Variants in CNOT2 observed in about 807,000 individuals in gnomAD.
The protein encoded by CNOT2 is CCR4-NOT transcription complex subunit 2.
A neutral mutation model predicts 72.1 loss-of-function variants in CNOT2; 7 were observed. The ratio of observed to expected loss-of-function variants is 0.10; its 90% CI spans 0.06 to 0.18. The LOEUF is 0.18. Ranked by LOEUF, CNOT2 falls within the 10% of genes least tolerant of loss-of-function variation. The pLI, the probability that CNOT2 is intolerant of heterozygous loss-of-function variation, is 1.00. For synonymous variants in CNOT2, 196 were observed against 225.6 expected, an observed-to-expected ratio of 0.87 and a Z score of 1.17; for missense variants, 345 against 660.3, an observed-to-expected ratio of 0.52 and a Z score of 5.23.
chr12:70,343,053 A>G lies in CNOT2; in HGVS notation c.1290+746A>G, dbSNP rs185268726. On this transcript the variant is annotated intron_variant, in intron 13 of 15. Coordinates refer to ENST00000229195, the MANE Select transcript of CNOT2 (RefSeq NM_014515.7). The stretch of plus-strand genomic sequence containing the variant: ...GATACCTTTCTCAATGTCTTCTAAT[A>G]CTTGAGTAGATAAAAGGCAAGAAAT... 2.0e-5 allele frequency among the ~76,000 whole-genome samples: 3 copies of G among 152,268 alleles called. No individual in the cohort carries two copies. In the East Asian group the frequency reaches 5.8e-4, roughly 29 times the overall value.
intron 2 of CNOT2, chr12:70,307,682 C>G (rs1044523516): frequency 1.3e-5 from 2 of 152,096 alleles, no homozygotes; most frequent in African/African-American, 4.8e-5. Context: ...TTTATGTACC[C>G]TAATTTCTCT....
At chr12:70,313,420 C>T (rs1876798844) in intron 3 of CNOT2, among the ~76,000 whole-genome samples, 1 of 151,874 alleles carries the variant, frequency 6.6e-6, no homozygotes, top group Admixed American at 6.6e-5. Context: ...CTTCTGTTTT[C>T]GAGATCATAC....
chr12:70,258,909 A>G lies in CNOT2; in HGVS notation c.-96+15429A>G, dbSNP rs572131385. 7.9e-5 allele frequency among the ~76,000 whole-genome samples: 12 copies of G among 152,324 alleles called. 1 individual carries two copies. The South Asian group carries it at 2.3e-3, about 29-fold the overall frequency. ...TATGATTAAAAAATTGCAAAGCAGT[A>G]TGTGTGGCTAGAGTGTAGTGGGAAA... On this transcript the variant is annotated intron_variant, in intron 1 of 15. Transcript: ENST00000229195.
chr12:70,338,000 G>C (rs1880930422), intron 9 of CNOT2: 1 of 239,940 alleles, frequency 4.2e-6, no homozygotes, highest in Non-Finnish European at 8.2e-6. Context: ...AAGAAGATCG[G>C]TAAGAATTAA....
chr12:70,344,074 T>TA (rs776234711), intron 13 of CNOT2, 54 bp from the exon 14 acceptor site: 3 of 855,318 alleles, frequency 3.5e-6, no homozygotes, highest in Non-Finnish European at 4.8e-6. Flanking sequence ...CAACTATATA[T>TA]TAGGATTTGC....
chr12:70,334,632 T>TA (rs1202498206), intron 7 of CNOT2: 2 of 152,066 alleles, frequency 1.3e-5, no homozygotes, highest in African/African-American at 4.8e-5. Context: ...ATAAGAATAC[T>TA]AAAAAGTTAA....
intron 1 of CNOT2, among the ~76,000 whole-genome samples, chr12:70,269,448 T>C (rs1380236271): frequency 1.3e-5 from 2 of 152,156 alleles, no homozygotes; most frequent in Admixed American, 1.3e-4. Context: ...AATAATAGTT[T>C]ACATGTGCAA....
intron 4 of CNOT2, chr12:70,327,723 C>T (rs1879308486): frequency 6.6e-6 from 1 of 151,576 alleles, no homozygotes; most frequent in African/African-American, 2.4e-5. Context: ...AGGGTAGGGG[C>T]CTTTTCTGTT....
At chr12:70,271,415 C>T (rs1285361623) in intron 1 of CNOT2, among the ~76,000 whole-genome samples, 2 of 147,756 alleles carry the variant, frequency 1.4e-5, no homozygotes, top group African/African-American at 5.1e-5. Flanking sequence ...GGTTTCTTGC[C>T]CAGGCTGGAG....
At chr12:70,243,050 A>G, upstream of CNOT2, 1 of 152,622 alleles carries the variant, frequency 6.6e-6, no homozygotes, top group Non-Finnish European at 1.5e-5. Flanking sequence ...GGGAGGGCGG[A>G]CTGAAGCCAC....
chr12:70,253,572 G>A (rs1232155690), intron 1 of CNOT2, among the ~76,000 whole-genome samples: 1 of 152,100 alleles, frequency 6.6e-6, no homozygotes, highest in African/African-American at 2.4e-5. Context: ...CAGATGATGG[G>A]TTCCAGTCTG....
At chr12:70,290,332 T>C (rs1303176057) in intron 2 of CNOT2, among the ~76,000 whole-genome samples, 2 of 152,106 alleles carry the variant, frequency 1.3e-5, no homozygotes, top group Non-Finnish European at 2.9e-5. Context: ...TCAGAGATCT[T>C]TCTCTGTGCC....
At chr12:70,268,568 T>TC (rs1436096809) in intron 1 of CNOT2, among the ~76,000 whole-genome samples, 1 of 152,092 alleles carries the variant, frequency 6.6e-6, no homozygotes, top group African/African-American at 2.4e-5. Flanking sequence ...CACCTTAGCC[T>TC]CCCAAGTAGT....
intron 1 of CNOT2, among the ~76,000 whole-genome samples, chr12:70,249,795 A>G (rs1427890238): frequency 1.3e-5 from 2 of 152,138 alleles, no homozygotes; most frequent in East Asian, 3.8e-4. Flanking sequence ...CTGTGTTATA[A>G]TGAGAATAGG....
chr12:70,332,957 A>G (rs1438217349), intron 7 of CNOT2, 111 bp downstream of exon 7: 1 of 1,344,146 alleles, frequency 7.4e-7, no homozygotes, highest in Non-Finnish European at 9.6e-7. Context: ...ATTATGTTAG[A>G]TGGTAGATTT....
intron 4 of CNOT2, among the ~76,000 whole-genome samples, chr12:70,319,659 A>G (rs1877950732): frequency 6.6e-6 from 1 of 151,660 alleles, no homozygotes; most frequent in Non-Finnish European, 1.5e-5. Context: ...AAAAATAGAC[A>G]TTCTCTGTGT....
intron 2 of CNOT2, among the ~76,000 whole-genome samples, chr12:70,299,235 T>A (rs1051488163): frequency 3.3e-5 from 5 of 152,056 alleles, no homozygotes; most frequent in Non-Finnish European, 7.4e-5. Context: ...ATTTTATTAT[T>A]ATTATACTTT....
At chr12:70,336,690 C>T (rs959576345) in intron 8 of CNOT2, 1 of 151,920 alleles carries the variant, frequency 6.6e-6, no homozygotes, top group Non-Finnish European at 1.5e-5. Flanking sequence ...CTACTTGATT[C>T]TCAGTTCAGA....
chr12:70,283,358 G>C (rs1593118065), intron 2 of CNOT2, among the ~76,000 whole-genome samples: 2 of 152,080 alleles, frequency 1.3e-5, no homozygotes, highest in East Asian at 3.9e-4. Flanking sequence ...TACTGGAGAG[G>C]CTGAGGCGGG....
Sources: gnomAD v4.1 joint callset for allele counts (sites outside exome capture counted in the v4.1 genomes callset) on GRCh38, gnomAD v4.1.1 for gene constraint, MANE v1.5 for transcripts, NCBI Gene and HGNC (gene_info 2026-07-23, HGNC 2026-07-21) for gene names.